The following AUTS2 variants were observed in gnomAD, a reference collection of about 807,000 sequenced individuals.
AUTS2 encodes the protein activator of transcription and developmental regulator AUTS2, also known as autism susceptibility gene 2 protein.
A neutral mutation model predicts 112.4 loss-of-function variants in AUTS2; 17 were observed. The ratio of observed to expected loss-of-function variants is 0.15; its 90% CI spans 0.10 to 0.23. The LOEUF (loss-of-function observed/expected upper bound fraction) is 0.23, where lower values mean the gene tolerates loss of function less well. Ranked by LOEUF, AUTS2 falls within the 10% of genes least tolerant of loss-of-function variation. AUTS2 has a pLI of 1.00. For missense variants in AUTS2, 1,510 were observed against 1,701.6 expected (o/e 0.89, Z 1.98); for synonymous variants, 751 against 702.7 (o/e 1.07, Z -1.09).
Position 70,762,854 on chromosome 7 carries a change from G to T in AUTS2, c.743-16G>T. 1 of 1,585,302 alleles carries T rather than the reference G, an allele frequency of 6.3e-7. No individual in the cohort carries two copies. Among genetic ancestry groups the T allele is most frequent in the Non-Finnish European group, 8.7e-7 (1 of 1,154,748 alleles). On this transcript the variant is annotated splice_polypyrimidine_tract_variant and intron_variant, in intron 6 of 18. Coordinates refer to ENST00000342771, the MANE Select transcript of AUTS2 (RefSeq NM_015570.4). ...TGTCATTGCCTGTGGTTTTGTCTTT[G>T]CTCTCTCCCATGCAGATCCGGAGTT...
At chr7:69,865,459 C>T (rs940450272) in intron 1 of AUTS2, among the ~76,000 whole-genome samples, 4 of 152,144 alleles carry the variant, frequency 2.6e-5, no homozygotes, top group Non-Finnish European at 5.9e-5. Context: ...GTGGCATCCA[C>T]GCTGGTCATT....
chr7:70,143,012 A>G (rs918183289), intron 4 of AUTS2, among the ~76,000 whole-genome samples: 3 of 152,216 alleles, frequency 2.0e-5, no homozygotes, highest in Non-Finnish European at 4.4e-5. Context: ...CTTTCAGATC[A>G]GAGAACTCAC....
At chr7:70,721,022 AG>A (rs1183195802) in intron 6 of AUTS2, among the ~76,000 whole-genome samples, 7 of 152,126 alleles carry the variant, frequency 4.6e-5, no homozygotes, top group Non-Finnish European at 1.0e-4. Flanking sequence ...GGATGATTTC[AG>A]GCAAAAATGA....
chr7:69,737,860 T>A (rs1017998473), intron 1 of AUTS2, among the ~76,000 whole-genome samples: 1 of 152,182 alleles, frequency 6.6e-6, no homozygotes, highest in Non-Finnish European at 1.5e-5. Flanking sequence ...TGACAGTGCA[T>A]TGCTAATTGC....
At chr7:70,426,607 T>C (rs1297004345) in intron 4 of AUTS2, among the ~76,000 whole-genome samples, 1 of 152,176 alleles carries the variant, frequency 6.6e-6, no homozygotes, top group Non-Finnish European at 1.5e-5. Context: ...GTTGATTAAA[T>C]CATCATCAAG....
At chr7:70,386,328 C>A (rs1283114517) in intron 4 of AUTS2, among the ~76,000 whole-genome samples, 1 of 152,212 alleles carries the variant, frequency 6.6e-6, no homozygotes, top group Non-Finnish European at 1.5e-5. Context: ...TGTCCATCAT[C>A]AGTTCTACTT....
At chr7:69,995,073 A>G (rs1306484203) in intron 2 of AUTS2, among the ~76,000 whole-genome samples, 3 of 152,118 alleles carry the variant, frequency 2.0e-5, no homozygotes, top group African/African-American at 7.2e-5. Context: ...AAATATTGGC[A>G]TACCTATCAG....
At chr7:70,497,113 C>CCCCA (rs201219982) in intron 5 of AUTS2, among the ~76,000 whole-genome samples, 4 of 143,002 alleles carry the variant, frequency 2.8e-5, no homozygotes, top group Non-Finnish European at 3.1e-5. Flanking sequence ...CACACACACC[C>CCCCA]CACACATGCA....
intron 2 of AUTS2, among the ~76,000 whole-genome samples, chr7:70,093,845 T>C (rs1342988817): frequency 6.6e-6 from 1 of 152,238 alleles, no homozygotes; most frequent in Non-Finnish European, 1.5e-5. Context: ...TTGAAGAATT[T>C]ACCCAGAATT....
intron 1 of AUTS2, among the ~76,000 whole-genome samples, chr7:69,624,832 T>G (rs987037348): frequency 2.6e-5 from 4 of 152,200 alleles, no homozygotes; most frequent in African/African-American, 4.8e-5. Flanking sequence ...AAATAAATAT[T>G]CCTGTGTGCA....
At chr7:70,496,694 G>A (rs1339517981) in intron 5 of AUTS2, among the ~76,000 whole-genome samples, 3 of 70,956 alleles carry the variant, frequency 4.2e-5, no homozygotes, top group Non-Finnish European at 8.0e-5. Context: ...CTCACACCAC[G>A]TACACAGTCA....
intron 14 of AUTS2, among the ~76,000 whole-genome samples, chr7:70,778,056 G>A (rs533587972): frequency 2.6e-5 from 4 of 152,256 alleles, no homozygotes; most frequent in East Asian, 1.9e-4. Flanking sequence ...TAGTTACCTC[G>A]CTGTCCAAAG....
chr7:70,705,327 G>A lies in AUTS2; in HGVS notation c.742+6707G>A, dbSNP rs185304737. On this transcript the variant is annotated intron_variant, in intron 6 of 18. Coordinates refer to ENST00000342771, the MANE Select transcript of AUTS2 (RefSeq NM_015570.4). The stretch of plus-strand genomic sequence containing the variant: ...AAGGAAATGCCAGAAAACTTCAGTG[G>A]AGAAAATGATTGATTCCCACTCGAG... Among the ~76,000 whole-genome samples, 238 of 152,316 alleles carry A rather than the reference G, an allele frequency of 1.6e-3. 1 individual carries two copies. Among genetic ancestry groups the A allele is most frequent in the African/African-American group, 5.4e-3 (225 of 41,570 alleles).
chr7:70,274,250 C>T (rs1398061893), intron 4 of AUTS2, among the ~76,000 whole-genome samples: 1 of 151,896 alleles, frequency 6.6e-6, no homozygotes, highest in African/African-American at 2.4e-5. Flanking sequence ...CTTTCTCTCC[C>T]TCTTTCCTTC....
At chr7:69,776,308 A>G (rs1418602510) in intron 1 of AUTS2, among the ~76,000 whole-genome samples, 1 of 152,220 alleles carries the variant, frequency 6.6e-6, no homozygotes, top group Non-Finnish European at 1.5e-5. Context: ...GGGATTAGTT[A>G]GGTTTTTCCT....
intron 1 of AUTS2, among the ~76,000 whole-genome samples, chr7:69,830,806 G>C (rs1324556889): frequency 6.6e-6 from 1 of 152,180 alleles, no homozygotes; most frequent in Non-Finnish European, 1.5e-5. Context: ...AAAAGTACTA[G>C]GAATTTAGAA....
At chr7:69,804,747 A>G (rs766787141) in intron 1 of AUTS2, among the ~76,000 whole-genome samples, 2 of 152,192 alleles carry the variant, frequency 1.3e-5, no homozygotes, top group Non-Finnish European at 2.9e-5. Flanking sequence ...GATTTGTAGC[A>G]TCTCTGGATT....
At position 69,671,197 on chromosome 7, in the gene AUTS2, C is replaced by T. The variant is rs73704322; in HGVS notation, c.309+71235C>T. Among the ~76,000 whole-genome samples the T allele has an allele frequency of 3.7e-3, 560 of 152,206 alleles. 6 individuals are homozygous for T. The highest frequency in any genetic ancestry group is 0.013 in the African/African-American group (521 of 41,538). ...CTTCTACCACCTTCTTAATGTGTCC[C>T]TGGAATGCCTACATGTAAAAGGATT... On this transcript the variant is annotated intron_variant, in intron 1 of 18. Coordinates refer to ENST00000342771, the MANE Select transcript of AUTS2 (RefSeq NM_015570.4).
intron 2 of AUTS2, among the ~76,000 whole-genome samples, chr7:70,070,749 G>A (rs1212869186): frequency 6.6e-6 from 1 of 152,032 alleles, no homozygotes; most frequent in Non-Finnish European, 1.5e-5. Flanking sequence ...GCACACACCT[G>A]TAGTCCCAGC....
Sources: allele counts gnomAD v4.1 joint callset (sites outside exome capture counted in the v4.1 genomes callset), GRCh38; gene constraint gnomAD v4.1.1; transcripts MANE v1.5; gene names NCBI Gene and HGNC (gene_info 2026-07-23, HGNC 2026-07-21).